HEPHL1: variants seen among roughly 807,000 people sequenced by gnomAD.
HEPHL1 encodes hephaestin like 1, also known as ferroxidase HEPHL1.
A neutral mutation model predicts 122.0 loss-of-function variants in HEPHL1; 123 were observed. The ratio of observed to expected loss-of-function variants is 1.01; its 90% confidence interval spans 0.87 to 1.17. The LOEUF (loss-of-function observed/expected upper bound fraction) is 1.17. HEPHL1 is among the 50% of genes most tolerant of loss of function. The pLI is 0.00. For missense variants in HEPHL1, 1,452 were observed against 1,430.5 expected, an observed-to-expected ratio of 1.01 and a Z score of -0.24; for synonymous variants, 527 against 508.9, an observed-to-expected ratio of 1.04 and a Z score of -0.48.
At chr11:94,106,229 G>A (rs1343118912) in intron 17 of HEPHL1, 99 bp downstream of exon 17, 2 of 856,236 alleles carry the variant, frequency 2.3e-6, no homozygotes, top group South Asian at 2.3e-5. Flanking sequence ...TAATGCTTGT[G>A]AGGATAGGTG....
intron 1 of HEPHL1, among the ~76,000 whole-genome samples, chr11:94,034,655 C>T (rs963019742): frequency 6.6e-6 from 1 of 152,122 alleles, no homozygotes; most frequent in Non-Finnish European, 1.5e-5. Flanking sequence ...GAGAGCAATG[C>T]AGAAAAGATG....
At chr11:94,108,700 T>C (rs1317457095) in intron 17 of HEPHL1, among the ~76,000 whole-genome samples, 1 of 152,074 alleles carries the variant, frequency 6.6e-6, no homozygotes, top group Admixed American at 6.5e-5. Flanking sequence ...GAAAATCATA[T>C]TGACCACATA....
intron 9 of HEPHL1, among the ~76,000 whole-genome samples, chr11:94,081,284 C>T (rs371159813): frequency 9.9e-5 from 15 of 152,034 alleles, no homozygotes; most frequent in East Asian, 3.9e-4. Context: ...ACACACACTG[C>T]GGCTTGTGGT....
At chr11:94,086,872 C>A (rs1208986024) in intron 11 of HEPHL1, among the ~76,000 whole-genome samples, 1 of 152,216 alleles carries the variant, frequency 6.6e-6, no homozygotes, top group Admixed American at 6.5e-5. Flanking sequence ...GTGAGGAGAA[C>A]AAGCCCTATA....
At chr11:94,042,280 C>A (rs1408815263) in intron 1 of HEPHL1, among the ~76,000 whole-genome samples, 12 of 117,386 alleles carry the variant, frequency 1.0e-4, no homozygotes, top group Admixed American at 3.6e-4. Context: ...GTTGGTGGGA[C>A]TGTAAACTAG....
intron 10 of HEPHL1, 92 bp downstream of exon 10, chr11:94,082,660 T>C: frequency 8.0e-7 from 1 of 1,256,500 alleles, no homozygotes; most frequent in Non-Finnish European, 1.1e-6. Flanking sequence ...TTAATTTTGG[T>C]TTCTTGGATA....
intron 1 of HEPHL1, 55 bp from the exon 2 acceptor site, chr11:94,045,618 C>A: frequency 6.9e-7 from 1 of 1,447,122 alleles, no homozygotes; most frequent in Non-Finnish European, 9.4e-7. Context: ...TAGTGGTAAG[C>A]TATTAGGTCT....
intron 1 of HEPHL1, among the ~76,000 whole-genome samples, chr11:94,032,842 A>G (rs934173563): frequency 5.3e-5 from 8 of 152,190 alleles, no homozygotes; most frequent in Non-Finnish European, 8.8e-5. Flanking sequence ...AAGCAAGTGC[A>G]TTGAGGGGCA....
At chr11:94,077,581 A>G (rs1946136422) in intron 9 of HEPHL1, among the ~76,000 whole-genome samples, 1 of 152,210 alleles carries the variant, frequency 6.6e-6, no homozygotes, top group Non-Finnish European at 1.5e-5. Flanking sequence ...TAAGGTGACT[A>G]TAGTCACCCT....
chr11:94,093,869 G>A (rs1300389389), intron 13 of HEPHL1, among the ~76,000 whole-genome samples: 1 of 150,002 alleles, frequency 6.7e-6, no homozygotes, highest in Non-Finnish European at 1.5e-5. Flanking sequence ...TACACAAATA[G>A]GAATCCATGA....
At chr11:94,034,416 G>A (rs998029832) in intron 1 of HEPHL1, among the ~76,000 whole-genome samples, 4 of 152,216 alleles carry the variant, frequency 2.6e-5, no homozygotes, top group African/African-American at 7.2e-5. Context: ...AAGTAGGAGT[G>A]CCTGAGTCAC....
At chr11:94,104,225 G>T (rs1268833005) in intron 15 of HEPHL1, among the ~76,000 whole-genome samples, 2 of 152,158 alleles carry the variant, frequency 1.3e-5, no homozygotes, top group Non-Finnish European at 2.9e-5. Flanking sequence ...AAATCAAGGG[G>T]TAGCCTAAGT....
In HEPHL1 at chr11:94,091,237, C is replaced by T. The variant is rs141575244; in HGVS notation, c.2295-2264C>T. 3.9e-3 allele frequency among the ~76,000 whole-genome samples: 587 copies of T among 152,296 alleles called. 3 individuals are homozygous for T. The highest frequency in any genetic ancestry group is 5.6e-3 in the Non-Finnish European group (379 of 68,030). ...TGCTCAGCATCTCTTGCACCATTCT[C>T]ACAAGATGATGAAAAAGCAAGTGCT... On this transcript the variant is annotated intron_variant, in intron 12 of 19. Transcript: ENST00000315765.
At chr11:94,103,647 A>T (rs1400325820) in intron 15 of HEPHL1, among the ~76,000 whole-genome samples, 1 of 152,224 alleles carries the variant, frequency 6.6e-6, no homozygotes, top group Admixed American at 6.5e-5. Context: ...ATGTAAAACA[A>T]CCACAGTCTT....
rs1442448032 is a variant in HEPHL1 at position 94,073,091 on chromosome 11, T to C, written c.1299T>C (p.Tyr433=). 1 of 1,613,010 alleles carries C rather than the reference T, an allele frequency of 6.2e-7. No homozygotes were observed. Among genetic ancestry groups the C allele is most frequent in the Admixed American group, 1.7e-5 (1 of 59,864 alleles). ...GAGGAAAATACTGGAAGGTTCGGTA[T>C]ACTGAATTTGTTGATGCAACTTTTA... ...RIGGKYWKVR[Y]TEFVDATFTK... is the part of the protein sequence containing the mutation. The change falls in exon 7 of 20, where the codon TAT becomes TAC. Residue 433 remains tyrosine, a synonymous_variant. Transcript: ENST00000315765.
intron 9 of HEPHL1, among the ~76,000 whole-genome samples, chr11:94,080,332 A>G (rs1946160554): frequency 6.6e-6 from 1 of 152,210 alleles, no homozygotes; most frequent in Admixed American, 6.5e-5. Context: ...AAAACCCAAA[A>G]CTATAAAAAC....
At position 94,073,367 on chromosome 11, in the gene HEPHL1, G is replaced by A. The variant is rs1302414060; in HGVS notation, c.1432G>A (p.Asp478Asn). 18 of 1,590,702 alleles carry A rather than the reference G, an allele frequency of 1.1e-5. No homozygotes were observed. Among genetic ancestry groups the A allele is most frequent in the Admixed American group, 1.1e-4 (6 of 55,996 alleles). The change falls in exon 8 of 20, where the codon GAC becomes AAC. Residue 478 changes from aspartate (D) to asparagine (N), a missense_variant. By Grantham distance (23) the Asp-to-Asn change is conservative. Coordinates refer to ENST00000315765, the MANE Select transcript of HEPHL1 (RefSeq NM_001098672.2). ...TLLVTFANKA[D>N]KVYSILPHGV... ...GTTAGTGACCTTTGCCAACAAAGCC[G>A]ACAAGGTCTATAGCATTTTACCCCA...
Position 94,063,543 on chromosome 11 carries a change from A to G in HEPHL1, c.451A>G (p.Lys151Glu), listed in dbSNP as rs776136183. 21 of 1,612,860 alleles carry G rather than the reference A, an allele frequency of 1.3e-5. No individual in the cohort carries two copies. Among genetic ancestry groups the G allele is most frequent in the Non-Finnish European group, 1.8e-5 (21 of 1,179,332 alleles). Residue 151 changes from lysine to glutamate, a missense_variant, in exon 3 of 20, where the codon AAA becomes GAA. Transcript: ENST00000315765. ...LYPDGTSGRN[K>E]NDDMVPPGKN... ...CCCAGATGGAACATCTGGAAGGAAC[A>G]AAAATGATGACATGGTTCCTCCTGG...
intron 17 of HEPHL1, among the ~76,000 whole-genome samples, chr11:94,107,056 C>T (rs1946415010): frequency 6.6e-6 from 1 of 152,118 alleles, no homozygotes; most frequent in South Asian, 2.1e-4. Flanking sequence ...ATCAGAATCT[C>T]CATGGAAAGG....
Sources: allele counts gnomAD v4.1 joint callset (sites outside exome capture counted in the v4.1 genomes callset), GRCh38; gene constraint gnomAD v4.1.1; transcripts MANE v1.5; gene names NCBI Gene and HGNC (gene_info 2026-07-23, HGNC 2026-07-21).